The following SMAD6 variants were observed in gnomAD, a reference collection of about 807,000 sequenced individuals.
The protein encoded by SMAD6 is MAD homolog 6.
In SMAD6, 103 loss-of-function variants were observed where a neutral mutation model predicts 39.4. That is an observed-to-expected ratio of 2.62 (90% CI 2.23 to 3.08). SMAD6 has a LOEUF of 3.08. Among genes scored for constraint, SMAD6 ranks in the 30% most tolerant of loss-of-function variants. The pLI is 0.00. For missense variants in SMAD6, 1,104 were observed against 742.9 expected (o/e 1.49, Z -5.65); for synonymous variants, 445 against 353.3 (o/e 1.26, Z -2.91).
Position 66,703,411 on chromosome 15 carries a change from G to C in SMAD6, c.153G>C (p.Glu51Asp), listed in dbSNP as rs752608306. ...CTGAGCCGGCCCCGCGGGCAAGAGA[G>C]GGCGGAGGCTGCGGCCGCTCCGAAG... ...SRAEPAPRAR[E>D]GGGCGRSEVR... is the part of the protein sequence containing the mutation. The change falls in exon 1 of 4, where the codon GAG (glutamate) becomes GAC (aspartate). Residue 51 changes from glutamate (E) to aspartate (D), a missense_variant. Glu to Asp is a conservative substitution (Grantham distance 45). Coordinates refer to ENST00000288840, the MANE Select transcript of SMAD6 (RefSeq NM_005585.5). 3.2e-5 allele frequency: 43 copies of C among 1,349,184 alleles called. 1 individual carries two copies. In the South Asian group the frequency reaches 7.9e-4, roughly 25 times the overall value. 83.6% of individuals were successfully genotyped at this position (1,349,184 alleles called of 1,614,324 possible).
At chr15:66,750,182 G>A (rs759180816) in intron 3 of SMAD6, among the ~76,000 whole-genome samples, 2 of 152,166 alleles carry the variant, frequency 1.3e-5, no homozygotes, top group African/African-American at 4.8e-5. Context: ...GCAGAGCAAT[G>A]TGACCTTGGG....
chr15:66,752,701 G>A (rs916246900), intron 3 of SMAD6, among the ~76,000 whole-genome samples: 1 of 152,118 alleles, frequency 6.6e-6, no homozygotes, highest in African/African-American at 2.4e-5. Flanking sequence ...GGCTGAGGTG[G>A]GAGGATTGCT....
intron 3 of SMAD6, among the ~76,000 whole-genome samples, chr15:66,734,359 C>G (rs913965395): frequency 6.6e-6 from 1 of 152,202 alleles, no homozygotes; most frequent in African/African-American, 2.4e-5. Flanking sequence ...TCATTCCATT[C>G]GCCCTGCCTC....
At position 66,716,456 on chromosome 15, in the gene SMAD6, GA is replaced by G; in HGVS notation, c.911del (p.Glu304GlyfsTer235). On this transcript the variant is annotated frameshift_variant, in exon 3 of 4. Coordinates refer to ENST00000288840, the MANE Select transcript of SMAD6 (RefSeq NM_005585.5). LOFTEE classifies it high-confidence loss of function. ...SDSTLSYTET[E>X]ATNSLITAPG... ...TTCCACATTGTCTTACACTGAAACGGAGGCTACCAACTCCCTCATCACTGCT... is the reference window on the plus strand; with the variant it reads ...TTCCACATTGTCTTACACTGAAACGGGGCTACCAACTCCCTCATCACTGCT... The G allele has an allele frequency of 6.2e-7, 1 of 1,613,978 alleles. No homozygotes were observed. Among genetic ancestry groups the G allele is most frequent in the Non-Finnish European group, 8.5e-7 (1 of 1,179,822 alleles).
At chr15:66,715,342 G>A (rs899323898) in intron 2 of SMAD6, among the ~76,000 whole-genome samples, 8 of 150,850 alleles carry the variant, frequency 5.3e-5, no homozygotes, top group African/African-American at 1.2e-4. Flanking sequence ...TGCTCCCCAA[G>A]CCATGTGGTA....
intron 3 of SMAD6, among the ~76,000 whole-genome samples, chr15:66,746,243 A>G (rs1893905744): frequency 6.6e-6 from 1 of 152,228 alleles, no homozygotes; most frequent in Non-Finnish European, 1.5e-5. Flanking sequence ...CTCCTGTCCT[A>G]TTAATCCTTT....
At chr15:66,737,880 G>T (rs1342734641) in intron 3 of SMAD6, among the ~76,000 whole-genome samples, 1 of 152,130 alleles carries the variant, frequency 6.6e-6, no homozygotes, top group Non-Finnish European at 1.5e-5. Flanking sequence ...GAAGTGAGGA[G>T]TGCCGCCTCC....
At position 66,704,072 on chromosome 15, in the gene SMAD6, C is replaced by G. The variant is rs781458675; in HGVS notation, c.814C>G (p.Pro272Ala). Residue 272 changes from proline to alanine, a missense_variant, in exon 1 of 4, where the codon CCC becomes GCC. Transcript: ENST00000288840. ...CTACCACTTCAGCCGGCTCTGCGGG[C>G]CCGGTGAGCGCGCTGCGCCGGCCGG... The part of the protein sequence containing the change: ...NPYHFSRLCG[P>A]ESPPPPYSRL... 25 of 1,483,812 alleles carry G rather than the reference C, an allele frequency of 1.7e-5. No individual in the cohort carries two copies. Among genetic ancestry groups the G allele is most frequent in the Non-Finnish European group, 2.0e-5 (23 of 1,125,172 alleles). 91.9% of individuals were successfully genotyped at this position (1,483,812 alleles called of 1,614,324 possible). A position where few individuals can be genotyped will look rare whatever the true frequency, so the allele number is the denominator to read the frequency against.
At chr15:66,763,342 G>A (rs1340966745) in intron 3 of SMAD6, among the ~76,000 whole-genome samples, 2 of 152,210 alleles carry the variant, frequency 1.3e-5, no homozygotes, top group African/African-American at 4.8e-5. Context: ...TCCCTGGCAT[G>A]GCTCCAGCCC....
In SMAD6 at chr15:66,711,706, G is replaced by A. The variant is rs759918873; in HGVS notation, c.856G>A (p.Asp286Asn). Reference protein sequence around the residue: ...PPPYSRLSPRDEYKPLDLSDS... With the variant: ...PPPYSRLSPRNEYKPLDLSDS... ...TCCCTACTCTCGGCTGTCTCCTCGC[G>A]ACGAGTACAAGCCACTGGGTAAGTG... Residue 286 changes from aspartate (D) to asparagine (N), a missense_variant, in exon 2 of 4, where the codon GAC becomes AAC. By Grantham distance (23) the Asp-to-Asn change is conservative (BLOSUM62 1). Transcript: ENST00000288840. 4.9e-5 allele frequency: 79 copies of A among 1,613,214 alleles called. No individual in the cohort carries two copies. The highest frequency in any genetic ancestry group is 6.1e-5 in the Non-Finnish European group (72 of 1,179,856).
At chr15:66,717,764 C>T (rs1266657763) in intron 3 of SMAD6, among the ~76,000 whole-genome samples, 1 of 152,148 alleles carries the variant, frequency 6.6e-6, no homozygotes, top group Non-Finnish European at 1.5e-5. Context: ...CAACCTGGTC[C>T]TGGGCTGCGG....
intron 2 of SMAD6, among the ~76,000 whole-genome samples, chr15:66,712,548 A>G (rs114217171): frequency 0.028 from 4,256 of 152,124 alleles, 134 homozygotes; most frequent in East Asian, 0.078. Context: ...GTGTTGTGGT[A>G]CACATGCTCC....
At chr15:66,779,406 G>A (rs1446303452) in intron 3 of SMAD6, among the ~76,000 whole-genome samples, 2 of 152,226 alleles carry the variant, frequency 1.3e-5, no homozygotes, top group African/African-American at 2.4e-5. Flanking sequence ...CAGCAGACTT[G>A]GGGACCTGTG....
chr15:66,712,288 G>A (rs1267594303), intron 2 of SMAD6, among the ~76,000 whole-genome samples: 2 of 152,170 alleles, frequency 1.3e-5, no homozygotes, highest in African/African-American at 4.8e-5. Flanking sequence ...GAGCTTAGTG[G>A]AGTTGGTAAT....
At chr15:66,744,226 G>C (rs374164478) in intron 3 of SMAD6, among the ~76,000 whole-genome samples, 1 of 152,164 alleles carries the variant, frequency 6.6e-6, no homozygotes, top group Non-Finnish European at 1.5e-5. Context: ...CAAAAACCGC[G>C]GCTCTGGGAG....
intron 2 of SMAD6, among the ~76,000 whole-genome samples, chr15:66,712,992 A>G (rs1276077213): frequency 6.6e-6 from 1 of 152,168 alleles, no homozygotes; most frequent in Non-Finnish European, 1.5e-5. Context: ...GGGGGACAGA[A>G]CAAGACCCCA....
intron 3 of SMAD6, among the ~76,000 whole-genome samples, chr15:66,750,322 G>A (rs764734328): frequency 1.1e-4 from 16 of 152,152 alleles, no homozygotes; most frequent in Non-Finnish European, 2.2e-4. Context: ...GTTAGACTGG[G>A]GGTGCCTTGA....
At chr15:66,770,353 G>T (rs1486400618) in intron 3 of SMAD6, among the ~76,000 whole-genome samples, 1 of 152,140 alleles carries the variant, frequency 6.6e-6, no homozygotes, top group Non-Finnish European at 1.5e-5. Flanking sequence ...GGCGCGGCCT[G>T]ATGTAAGGCC....
At chr15:66,737,430 G>A (rs1242024006) in intron 3 of SMAD6, among the ~76,000 whole-genome samples, 2 of 152,194 alleles carry the variant, frequency 1.3e-5, no homozygotes, top group African/African-American at 2.4e-5. Flanking sequence ...AAGTGAGCGC[G>A]GGTCGGCTCA....
Sources: gnomAD v4.1 joint callset for allele counts (sites outside exome capture counted in the v4.1 genomes callset) on GRCh38, gnomAD v4.1.1 for gene constraint, MANE v1.5 for transcripts, NCBI Gene and HGNC (gene_info 2026-07-23, HGNC 2026-07-21) for gene names.